SH3BGRL: variants seen among roughly 807,000 people sequenced by gnomAD.
The protein encoded by SH3BGRL is adapter SH3BGRL.
Under a neutral mutation model 9.8 loss-of-function variants are expected in SH3BGRL, and 7 were observed. That is an observed-to-expected ratio of 0.72 (90% CI 0.41 to 1.35). SH3BGRL has a LOEUF of 1.35. Among genes scored for constraint, SH3BGRL ranks in the 40% most tolerant of loss-of-function variants. The pLI is 0.01. For synonymous variants in SH3BGRL, 36 were observed against 29.1 expected (o/e 1.24, Z -0.76); for missense variants, 73 against 84.4 (o/e 0.86, Z 0.53).
At chrX:81,289,259 A>G (rs1320164860) in intron 3 of SH3BGRL, among the ~76,000 whole-genome samples, 1 of 112,023 alleles carries the variant, frequency 8.9e-6, no homozygotes, top group Non-Finnish European at 1.9e-5. Flanking sequence ...ATCTCTTGCC[A>G]TATACAAAAA....
intron 1 of SH3BGRL, among the ~76,000 whole-genome samples, chrX:81,211,641 G>C (rs1465104286): frequency 9.0e-6 from 1 of 111,169 alleles, no homozygotes. Flanking sequence ...AAATCTGCTG[G>C]GCACAATCTA....
At chrX:81,216,671 A>T (rs2147670010) in intron 1 of SH3BGRL, among the ~76,000 whole-genome samples, 1 of 111,144 alleles carries the variant, frequency 9.0e-6, no homozygotes, top group East Asian at 2.8e-4. Context: ...TTTAGCTCCC[A>T]CTAGTAAGTG....
intron 1 of SH3BGRL, among the ~76,000 whole-genome samples, chrX:81,212,204 G>C (rs1265471844): frequency 1.8e-5 from 2 of 109,626 alleles, no homozygotes; most frequent in African/African-American, 6.7e-5. Context: ...AGACCAGCTT[G>C]GGGAACAAAG....
At chrX:81,204,492 A>G (rs988775213) in intron 1 of SH3BGRL, among the ~76,000 whole-genome samples, 17 of 111,717 alleles carry the variant, frequency 1.5e-4, no homozygotes, top group Non-Finnish European at 3.2e-4. Flanking sequence ...AGATACTTCA[A>G]TAAGTGACTA....
chrX:81,255,019 A>G (rs754032864), intron 1 of SH3BGRL, among the ~76,000 whole-genome samples: 2 of 108,705 alleles, frequency 1.8e-5, no homozygotes, highest in Middle Eastern at 4.8e-3. Context: ...CCTCCCCAGT[A>G]GCTGGGACTA....
chrX:81,221,439 A>C (rs2075599861), intron 1 of SH3BGRL, among the ~76,000 whole-genome samples: 1 of 111,898 alleles, frequency 8.9e-6, no homozygotes, highest in African/African-American at 3.2e-5. Flanking sequence ...CCTTTGGCCA[A>C]CTGTATGGCA....
chrX:81,291,187 A>G (rs1478003356), intron 3 of SH3BGRL, among the ~76,000 whole-genome samples: 2 of 111,785 alleles, frequency 1.8e-5, no homozygotes, highest in East Asian at 5.6e-4. Context: ...AGGTGAGTCT[A>G]TTAGTTCATT....
intron 3 of SH3BGRL, among the ~76,000 whole-genome samples, chrX:81,292,777 C>T (rs768618793): frequency 2.1e-4 from 23 of 111,632 alleles, no homozygotes; most frequent in Admixed American, 3.8e-4. Flanking sequence ...ACATCTTGAA[C>T]CCTTTGCTCC....
rs762944741 is a variant in SH3BGRL, at chrX:81,278,527, T to TA, written c.312+117dup. 1.1e-5 allele frequency: 5 copies of TA among 460,919 alleles called. No individual in the cohort carries two copies. The South Asian group carries it at 2.2e-4, about 21-fold the overall frequency. 38.0% of individuals were successfully genotyped at this position (460,919 alleles called of 1,213,427 possible). On this transcript the variant is annotated intron_variant, in intron 3 of 3. Transcript: ENST00000373212. ...AAATTAAGTCAGAGACAATCCTTTATAGCAAAAAGTGCCTTCTCTGCATCC... is the reference window on the plus strand; with the variant it reads ...AAATTAAGTCAGAGACAATCCTTTATAAGCAAAAAGTGCCTTCTCTGCATCC...
intron 1 of SH3BGRL, among the ~76,000 whole-genome samples, chrX:81,251,341 T>G (rs1219803517): frequency 1.8e-5 from 2 of 112,031 alleles, no homozygotes; most frequent in African/African-American, 6.5e-5. Context: ...CACTCTTTTT[T>G]TTTCATTGGC....
intron 1 of SH3BGRL, chrX:81,237,386 C>T (rs754241608): frequency 6.0e-5 from 17 of 282,301 alleles, no homozygotes; most frequent in African/African-American, 2.5e-4. Context: ...ACTCCCTCCC[C>T]GACCAGCAGC....
chrX:81,254,891 G>GTT (rs762259496), intron 1 of SH3BGRL, among the ~76,000 whole-genome samples: 21 of 96,421 alleles, frequency 2.2e-4, no homozygotes, highest in South Asian at 4.7e-4. Flanking sequence ...TCTTTCTTAA[G>GTT]TTTTTTTTTT....
At chrX:81,225,152 T>A (rs1450341559) in intron 1 of SH3BGRL, among the ~76,000 whole-genome samples, 1 of 111,503 alleles carries the variant, frequency 9.0e-6, no homozygotes, top group Admixed American at 9.6e-5. Flanking sequence ...ATTTTATTTT[T>A]TTTTAACCAG....
At chrX:81,288,132 A>G (rs754908524) in intron 3 of SH3BGRL, among the ~76,000 whole-genome samples, 1 of 112,181 alleles carries the variant, frequency 8.9e-6, no homozygotes, top group Admixed American at 9.4e-5. Flanking sequence ...TGATCATTCA[A>G]TATATGCAAA....
At chrX:81,243,354 C>T (rs1185215976) in intron 1 of SH3BGRL, among the ~76,000 whole-genome samples, 1 of 111,382 alleles carries the variant, frequency 9.0e-6, no homozygotes, top group Non-Finnish European at 1.9e-5. Context: ...AACTCATGGC[C>T]ATAGAAAGTA....
intron 1 of SH3BGRL, among the ~76,000 whole-genome samples, chrX:81,276,763 G>T (rs1169183406): frequency 9.5e-6 from 1 of 104,763 alleles, no homozygotes; most frequent in Non-Finnish European, 2.0e-5. Flanking sequence ...ATTTTCAATG[G>T]AAAAAAAAAA....
chrX:81,209,234 T>C (rs766214154), intron 1 of SH3BGRL, among the ~76,000 whole-genome samples: 4 of 109,990 alleles, frequency 3.6e-5, no homozygotes, highest in Non-Finnish European at 7.6e-5. Flanking sequence ...TCACAAACTC[T>C]TCAGCTAAAG....
intron 1 of SH3BGRL, among the ~76,000 whole-genome samples, chrX:81,259,055 T>C (rs1178724229): frequency 8.9e-6 from 1 of 112,616 alleles, no homozygotes; most frequent in African/African-American, 3.2e-5. Flanking sequence ...TTCTTGTGAT[T>C]CAAGAACTGA....
chrX:81,290,181 A>G (rs1018600195), intron 3 of SH3BGRL, among the ~76,000 whole-genome samples: 2 of 111,720 alleles, frequency 1.8e-5, no homozygotes, highest in African/African-American at 6.5e-5. Flanking sequence ...TTCCTCAAAA[A>G]CCTAAAAGTA....
Sources: allele counts gnomAD v4.1 joint callset (sites outside exome capture counted in the v4.1 genomes callset), GRCh38; gene constraint gnomAD v4.1.1; transcripts MANE v1.5; gene names NCBI Gene and HGNC (gene_info 2026-07-23, HGNC 2026-07-21).